The following NEK1 variants were observed in gnomAD, a reference collection of about 807,000 sequenced individuals.
The protein encoded by NEK1 is serine/threonine-protein kinase Nek1.
In NEK1, 137 loss-of-function variants were observed where a neutral mutation model predicts 182.1. The observed-to-expected ratio is 0.75, with a 90% CI of 0.65 to 0.87. NEK1 has a LOEUF of 0.87. Ranked by LOEUF, NEK1 falls within the 40% of genes least tolerant of loss-of-function variation. The pLI, the probability that NEK1 is intolerant of heterozygous loss-of-function variation, is 0.00. For missense variants in NEK1, 1,391 were observed against 1,494.4 expected, an observed-to-expected ratio of 0.93 and a Z score of 1.14; for synonymous variants, 513 against 492.2, an observed-to-expected ratio of 1.04 and a Z score of -0.56.
chr4:169,495,813 G>A lies in NEK1; in HGVS notation c.2007+11224C>T, dbSNP rs555519977. Among the ~76,000 whole-genome samples, 4 of 152,288 alleles carry A rather than the reference G, an allele frequency of 2.6e-5. No individual in the cohort carries two copies. In the East Asian group the frequency reaches 7.7e-4, roughly 29 times the overall value. On this transcript the variant is annotated intron_variant, in intron 23 of 35. Transcript: ENST00000507142. ...CTGTTTTGGTTACTGTAGCCTTGTAGTATAGTTTGAAGTCAGGTAGTGTGA... is the reference window on the plus strand; with the variant it reads ...CTGTTTTGGTTACTGTAGCCTTGTAATATAGTTTGAAGTCAGGTAGTGTGA...
chr4:169,570,243 A>T (rs1484777633), intron 12 of NEK1, among the ~76,000 whole-genome samples: 10 of 132,276 alleles, frequency 7.6e-5, no homozygotes, highest in African/African-American at 3.0e-4. Flanking sequence ...AAGTGAGGAG[A>T]CCCTCTGCCT....
chr4:169,479,022 A>G (rs1414324843), intron 24 of NEK1, among the ~76,000 whole-genome samples: 9 of 152,120 alleles, frequency 5.9e-5, no homozygotes, highest in Non-Finnish European at 1.3e-4. Context: ...TATGTGTTGG[A>G]CCTAATACCT....
chr4:169,445,865 T>TATATATATATATATATACACACAC (rs569539235), intron 27 of NEK1, among the ~76,000 whole-genome samples: 5 of 143,246 alleles, frequency 3.5e-5, no homozygotes, highest in African/African-American at 1.4e-4. Context: ...TATATATATA[T>TATATATATATATATATACACACAC]ACACACACAC....
intron 23 of NEK1, among the ~76,000 whole-genome samples, chr4:169,504,610 G>A (rs1037377791): frequency 1.1e-4 from 16 of 152,264 alleles, no homozygotes; most frequent in African/African-American, 3.4e-4. Context: ...GTTCTATTAC[G>A]TTAGGTGAAA....
chr4:169,556,562 CATT>C (rs1371633588), intron 16 of NEK1, among the ~76,000 whole-genome samples: 1 of 151,874 alleles, frequency 6.6e-6, no homozygotes, highest in Non-Finnish European at 1.5e-5. Context: ...AAGGTATAAA[CATT>C]ATTAAAACAT....
chr4:169,539,422 T>C (rs1759038475), intron 18 of NEK1, among the ~76,000 whole-genome samples: 1 of 152,060 alleles, frequency 6.6e-6, no homozygotes. Flanking sequence ...TGCTCTGACA[T>C]GAGATTAATA....
intron 19 of NEK1, among the ~76,000 whole-genome samples, chr4:169,521,470 G>A (rs985742501): frequency 5.3e-5 from 8 of 151,380 alleles, no homozygotes; most frequent in South Asian, 2.1e-4. Context: ...CGTCTTCTGC[G>A]TCGCTCACGC....
chr4:169,504,863 TAA>T (rs1275578726), intron 23 of NEK1, among the ~76,000 whole-genome samples: 2 of 152,236 alleles, frequency 1.3e-5, no homozygotes, highest in Admixed American at 6.5e-5. Context: ...TAAAAATAAC[TAA>T]AAGAGTGTAA....
chr4:169,441,832 G>A (rs1739514151), intron 27 of NEK1, among the ~76,000 whole-genome samples: 3 of 152,092 alleles, frequency 2.0e-5, no homozygotes, highest in Admixed American at 2.0e-4. Flanking sequence ...CCACACAGGG[G>A]CCCAAGTATA....
intron 16 of NEK1, among the ~76,000 whole-genome samples, chr4:169,556,375 T>G (rs1482384715): frequency 6.6e-6 from 1 of 152,126 alleles, no homozygotes; most frequent in Non-Finnish European, 1.5e-5. Context: ...AAATTTGATC[T>G]TAATTAACAG....
rs778988826 is a variant in NEK1, at chr4:169,393,474, C to T, written c.*1036G>A. ...TGGACTCAGAGGTTCAAAAACTTTG[C>T]TTTTATTACGAAGAACATCTGGACT... On this transcript the variant is annotated 3_prime_UTR_variant, in exon 36 of 36. Coordinates refer to ENST00000507142, the MANE Select transcript of NEK1 (RefSeq NM_001199397.3). 3 of 152,098 alleles carry T rather than the reference C, an allele frequency of 2.0e-5. No individual in the cohort carries two copies. The highest frequency in any genetic ancestry group is 4.4e-5 in the Non-Finnish European group (3 of 68,014). 9.4% of individuals were successfully genotyped at this position (152,098 alleles called of 1,614,324 possible).
chr4:169,445,080 A>C (rs1740247563), intron 27 of NEK1, among the ~76,000 whole-genome samples: 1 of 152,112 alleles, frequency 6.6e-6, no homozygotes, highest in African/African-American at 2.4e-5. Flanking sequence ...ACAAACCAAA[A>C]TCTATGGGAA....
chr4:169,544,308 G>T (rs972956263), intron 18 of NEK1, among the ~76,000 whole-genome samples: 1 of 152,134 alleles, frequency 6.6e-6, no homozygotes, highest in African/African-American at 2.4e-5. Context: ...TGCCTCCCAG[G>T]GATGAAGCCA....
rs746938912 is a variant in NEK1, at chr4:169,577,085, T to C, written c.869-6A>G. On this transcript the variant is annotated splice_region_variant and splice_polypyrimidine_tract_variant and intron_variant, in intron 11 of 35. Coordinates refer to ENST00000507142, the MANE Select transcript of NEK1 (RefSeq NM_001199397.3). The stretch of plus-strand genomic sequence containing the variant: ...TCCTGAAGCTGGTCTTTTAGCTAGA[T>C]GAAAAGATACAAAGAATTTTGTCTG... The C allele has an allele frequency of 1.9e-6, 3 of 1,613,120 alleles. No individual in the cohort carries two copies. The highest frequency in any genetic ancestry group is 3.3e-5 in the Admixed American group (2 of 59,926).
Position 169,424,710 on chromosome 4 carries a change from T to C in NEK1, c.3065A>G (p.Glu1022Gly). 1 of 1,613,878 alleles carries C rather than the reference T, an allele frequency of 6.2e-7. No individual in the cohort carries two copies. Among genetic ancestry groups the C allele is most frequent in the Non-Finnish European group, 8.5e-7 (1 of 1,179,838 alleles). The change falls in exon 31 of 36, where the codon GAA becomes GGA. Residue 1022 changes from glutamate (E) to glycine (G), a missense_variant. Glu to Gly is a moderately conservative substitution (Grantham distance 98). This residue lies in a region of NEK1 where 1,216 missense variants were observed against 1,277.6 expected (regional missense o/e 0.95). Coordinates refer to ENST00000507142, the MANE Select transcript of NEK1 (RefSeq NM_001199397.3). ...AACTTGAGGGACTAAGTTCAAGTGTTCAGAATGAACCACCTTATGGAAAAA... is the reference window on the plus strand; with the variant it reads ...AACTTGAGGGACTAAGTTCAAGTGTCCAGAATGAACCACCTTATGGAAAAA... ...EPFFHKVVHSEHLNLVPQVQS... is the reference protein window; with the variant it reads ...EPFFHKVVHSGHLNLVPQVQS...
At chr4:169,469,946 C>CTTTTTTTTTTTT (rs61539003) in intron 26 of NEK1, among the ~76,000 whole-genome samples, 1 of 118,916 alleles carries the variant, frequency 8.4e-6, no homozygotes, top group Non-Finnish European at 1.8e-5. Context: ...GCAACCCCTG[C>CTTTTTTTTTTTT]TTTTTTTTTT....
chr4:169,452,579 T>C (rs1030990455), intron 27 of NEK1, among the ~76,000 whole-genome samples: 2 of 152,168 alleles, frequency 1.3e-5, no homozygotes, highest in Non-Finnish European at 2.9e-5. Context: ...ATTATCTCAA[T>C]AGATGCAGAG....
Position 169,599,182 on chromosome 4 carries a change from T to C in NEK1, c.230A>G (p.Tyr77Cys), listed in dbSNP as rs1267970903. The C allele has an allele frequency of 4.3e-6, 7 of 1,609,502 alleles. No individual in the cohort carries two copies. Among genetic ancestry groups the C allele is most frequent in the African/African-American group, 1.3e-5 (1 of 74,864 alleles). Residue 77 changes from tyrosine to cysteine, a missense_variant, in exon 5 of 36, where the codon TAC becomes TGC. Coordinates refer to ENST00000507142, the MANE Select transcript of NEK1 (RefSeq NM_001199397.3). Reference sequence around the variant, plus strand: ...TCCCTCACAGTAATCCATTACTATGTAGAGAGAGCCATTTTCTACAAAATA... The same window carrying C: ...TCCCTCACAGTAATCCATTACTATGCAGAGAGAGCCATTTTCTACAAAATA... ...RESFEENGSL[Y>C]IVMDYCEGGD...
chr4:169,513,232 C>G (rs1031739730), intron 19 of NEK1, among the ~76,000 whole-genome samples: 1 of 152,114 alleles, frequency 6.6e-6, no homozygotes, highest in Non-Finnish European at 1.5e-5. Context: ...ATGTATCTCT[C>G]CAAGTATTTA....
Sources: gnomAD v4.1 joint callset for allele counts (sites outside exome capture counted in the v4.1 genomes callset) on GRCh38, gnomAD v4.1.1 for gene constraint, gnomAD v4.1.1 regional missense constraint, MANE v1.5 for transcripts, NCBI Gene and HGNC (gene_info 2026-07-23, HGNC 2026-07-21) for gene names.